The following C10orf90 variants were observed in gnomAD, a reference collection of about 807,000 sequenced individuals.
The protein encoded by C10orf90 is (E2-independent) E3 ubiquitin-conjugating enzyme FATS.
A neutral mutation model predicts 62.5 loss-of-function variants in C10orf90; 56 were observed. The observed-to-expected ratio is 0.90, with a 90% CI of 0.72 to 1.12. The LOEUF (loss-of-function observed/expected upper bound fraction) is 1.12. Ranked by LOEUF, C10orf90 falls within the 50% of genes most tolerant of loss-of-function variation. The pLI is 0.00. For synonymous variants in C10orf90, 386 were observed against 340.4 expected (o/e 1.13, Z -1.47); for missense variants, 970 against 880.4 (o/e 1.10, Z -1.29).
In C10orf90 at chr10:126,646,652, GA is replaced by G. The variant is rs748674860; in HGVS notation, c.241-16del. The G allele has an allele frequency of 5.6e-4, 241 of 431,710 alleles. No individual in the cohort carries two copies. Among genetic ancestry groups the G allele is most frequent in the African/African-American group, 4.4e-3 (216 of 48,586 alleles). The allele number at this position is 431,710 out of a possible 1,614,324, so 26.7% of individuals were successfully genotyped here. ...CGACTGTGGATCTAGAAAACAAACA[GA>G]AATATTTCCCAATTTCATATTTTGA... On this transcript the variant is annotated splice_polypyrimidine_tract_variant and intron_variant, in intron 1 of 9. Coordinates refer to ENST00000488181, the MANE Select transcript of C10orf90 (RefSeq NM_001350921.2).
chr10:126,462,022 A>C (rs1347774078), intron 5 of C10orf90, among the ~76,000 whole-genome samples: 4 of 152,130 alleles, frequency 2.6e-5, no homozygotes, highest in African/African-American at 2.4e-5. Flanking sequence ...CCTCCCCTGC[A>C]CTTGCTGGAG....
chr10:126,496,995 G>T (rs1248577420), intron 4 of C10orf90, among the ~76,000 whole-genome samples: 1 of 152,202 alleles, frequency 6.6e-6, no homozygotes, highest in Non-Finnish European at 1.5e-5. Flanking sequence ...TTAAAAGGCT[G>T]CTACCTGCAT....
chr10:126,594,561 T>A (rs573742538), intron 2 of C10orf90, among the ~76,000 whole-genome samples: 28 of 152,338 alleles, frequency 1.8e-4, no homozygotes, highest in Admixed American at 1.0e-3. Context: ...GGTGACTGTA[T>A]TCAGACAGAA....
intron 4 of C10orf90, among the ~76,000 whole-genome samples, chr10:126,483,468 G>A (rs10901614): frequency 0.22 from 33,283 of 152,112 alleles, 4,530 homozygotes; most frequent in African/African-American, 0.4. Context: ...CTTGTGTGCT[G>A]ACTTGATCTA....
In C10orf90 at chr10:126,612,214, G is replaced by C. The variant is rs544070338; in HGVS notation, c.313+34351C>G. 3.3e-5 allele frequency among the ~76,000 whole-genome samples: 5 copies of C among 152,240 alleles called. No homozygotes were observed. In the South Asian group the frequency reaches 6.2e-4, roughly 19 times the overall value. On this transcript the variant is annotated intron_variant, in intron 2 of 9. Coordinates refer to ENST00000488181, the MANE Select transcript of C10orf90 (RefSeq NM_001350921.2). ...CGCGCACCTGTAATCCCAGCTACTC[G>C]GGTGGCTGAGGCAGGAGAATTGCTT...
At chr10:126,491,577 A>G (rs4359117) in intron 4 of C10orf90, among the ~76,000 whole-genome samples, 75,828 of 152,060 alleles carry the variant, frequency 0.5, 19,299 homozygotes, top group East Asian at 0.64. Context: ...GCAGTAATGA[A>G]GTACGTGAAA....
At chr10:126,532,861 T>TAAAAAAAAAAAAAAAAAAAA (rs1864138659) in intron 2 of C10orf90, among the ~76,000 whole-genome samples, 1 of 20,388 alleles carries the variant, frequency 4.9e-5, no homozygotes, top group Non-Finnish European at 1.5e-4. Flanking sequence ...AAAAAAATAG[T>TAAAAAAAAAAAAAAAAAAAA]GAGCACAAAA....
At position 126,465,115 on chromosome 10, in the gene C10orf90, G is replaced by A. The variant is rs867158334; in HGVS notation, c.1535-129C>T. The A allele has an allele frequency of 6.7e-6, 6 of 898,506 alleles. No individual in the cohort carries two copies. The South Asian group carries it at 8.6e-5, about 13-fold the overall frequency. 55.7% of individuals were successfully genotyped at this position (898,506 alleles called of 1,614,324 possible). A position where few individuals can be genotyped will look rare whatever the true frequency, so the allele number is the denominator to read the frequency against. On this transcript the variant is annotated intron_variant, in intron 4 of 9. Transcript: ENST00000488181. ...AGTACAGCACTGCAAGTTCAGTTAG[G>A]AGGGCCATCTGTATACAGTGCTGTC...
chr10:126,506,759 G>A (rs1215489222), intron 3 of C10orf90, among the ~76,000 whole-genome samples: 1 of 152,226 alleles, frequency 6.6e-6, no homozygotes, highest in Non-Finnish European at 1.5e-5. Context: ...GCCTATGTGT[G>A]TTGGAAGCAG....
At chr10:126,599,403 T>C (rs991200893) in intron 2 of C10orf90, among the ~76,000 whole-genome samples, 3 of 151,704 alleles carry the variant, frequency 2.0e-5, no homozygotes, top group Admixed American at 2.0e-4. Flanking sequence ...GGTTTCACCG[T>C]GTTAGCCAGG....
intron 2 of C10orf90, among the ~76,000 whole-genome samples, chr10:126,542,002 C>A (rs1388043825): frequency 6.6e-6 from 1 of 152,178 alleles, no homozygotes; most frequent in Non-Finnish European, 1.5e-5. Context: ...AGGAATGAAG[C>A]CGTGACACAT....
At chr10:126,662,544 C>T (rs1846537249) in intron 1 of C10orf90, among the ~76,000 whole-genome samples, 1 of 152,176 alleles carries the variant, frequency 6.6e-6, no homozygotes, top group Admixed American at 6.5e-5. Flanking sequence ...CTTCTCAGCT[C>T]AGAGAGACTA....
chr10:126,635,968 G>T (rs1170565745), intron 2 of C10orf90, among the ~76,000 whole-genome samples: 7 of 152,162 alleles, frequency 4.6e-5, no homozygotes, highest in African/African-American at 1.7e-4. Context: ...TCCCCTCAGC[G>T]CAGAGGTCAA....
chr10:126,490,298 C>T (rs1054661275), intron 4 of C10orf90, among the ~76,000 whole-genome samples: 1 of 151,274 alleles, frequency 6.6e-6, no homozygotes, highest in Non-Finnish European at 1.5e-5. Context: ...TACGATTTCA[C>T]TTATATGACA....
intron 7 of C10orf90, among the ~76,000 whole-genome samples, chr10:126,443,249 T>A (rs191196647): frequency 6.6e-6 from 1 of 151,556 alleles, no homozygotes; most frequent in Non-Finnish European, 1.5e-5. Context: ...AAAAGATAAA[T>A]AAAATTGATA....
chr10:126,471,477 T>A (rs1233871273), intron 4 of C10orf90, among the ~76,000 whole-genome samples: 1 of 152,166 alleles, frequency 6.6e-6, no homozygotes, highest in African/African-American at 2.4e-5. Context: ...GGTAGTGATA[T>A]GTGAGAAAAG....
chr10:126,609,421 T>C (rs901219697), intron 2 of C10orf90, among the ~76,000 whole-genome samples: 1 of 152,172 alleles, frequency 6.6e-6, no homozygotes, highest in Admixed American at 6.5e-5. Context: ...AAAAAAGGTA[T>C]GTGAATCATT....
At chr10:126,586,729 G>T (rs1170857480) in intron 2 of C10orf90, among the ~76,000 whole-genome samples, 1 of 152,172 alleles carries the variant, frequency 6.6e-6, no homozygotes, top group East Asian at 1.9e-4. Context: ...ATGAAAGTGG[G>T]AGTGGGGAAC....
intron 2 of C10orf90, among the ~76,000 whole-genome samples, chr10:126,565,358 T>TAATATA (rs1162324489): frequency 0.057 from 4,491 of 78,888 alleles, 195 homozygotes; most frequent in Non-Finnish European, 0.076. Flanking sequence ...TAATATATAA[T>TAATATA]ATATATTATT....
Sources: allele counts gnomAD v4.1 joint callset (sites outside exome capture counted in the v4.1 genomes callset), GRCh38; gene constraint gnomAD v4.1.1; transcripts MANE v1.5; gene names NCBI Gene and HGNC (gene_info 2026-07-23, HGNC 2026-07-21).